Variants in B3GALT1 observed in about 807,000 individuals in gnomAD.
B3GALT1 encodes UDP-Gal:betaGlcNAc beta 1,3-galactosyltransferase, polypeptide 1.
Under a neutral mutation model 23.2 loss-of-function variants are expected in B3GALT1, and 10 were observed. The observed-to-expected ratio is 0.43, with a 90% CI of 0.27 to 0.73. The LOEUF (loss-of-function observed/expected upper bound fraction) is 0.73, where lower values mean the gene tolerates loss of function less well. Among genes scored for constraint, B3GALT1 ranks in the 30% least tolerant of loss-of-function variants. B3GALT1 has a pLI of 0.21. For missense variants in B3GALT1, 299 were observed against 405.4 expected, an observed-to-expected ratio of 0.74 and a Z score of 2.25; for synonymous variants, 156 against 141.5, an observed-to-expected ratio of 1.10 and a Z score of -0.73.
At chr2:167,731,367 A>G (rs1687406642) in intron 3 of B3GALT1, among the ~76,000 whole-genome samples, 1 of 152,138 alleles carries the variant, frequency 6.6e-6, no homozygotes. Flanking sequence ...GTGCCAGATG[A>G]TATTTCTCTG....
chr2:167,630,646 G>C (rs1685424964), intron 2 of B3GALT1, among the ~76,000 whole-genome samples: 1 of 151,518 alleles, frequency 6.6e-6, no homozygotes, highest in South Asian at 2.1e-4. Context: ...AAAAAAGCTA[G>C]ATAGATAATT....
At chr2:167,293,802 C>T (rs1286532812) in intron 1 of B3GALT1, among the ~76,000 whole-genome samples, 1 of 152,030 alleles carries the variant, frequency 6.6e-6, no homozygotes, top group Admixed American at 6.5e-5. Context: ...GGACCTGGCG[C>T]GCCAGGGGAG....
chr2:167,618,743 T>C (rs912993958), intron 2 of B3GALT1, among the ~76,000 whole-genome samples: 3 of 152,048 alleles, frequency 2.0e-5, no homozygotes, highest in East Asian at 1.9e-4. Flanking sequence ...ATTTATTTTG[T>C]ATTAATAGAA....
intron 3 of B3GALT1, among the ~76,000 whole-genome samples, chr2:167,749,633 C>T (rs1038314112): frequency 1.3e-5 from 2 of 152,176 alleles, no homozygotes; most frequent in African/African-American, 4.8e-5. Context: ...GTGCCATGTC[C>T]AGATTAAATG....
intron 3 of B3GALT1, among the ~76,000 whole-genome samples, chr2:167,691,968 A>G (rs188580350): frequency 2.2e-4 from 33 of 152,268 alleles, no homozygotes; most frequent in Non-Finnish European, 3.8e-4. Context: ...TGTGAGGCCT[A>G]TGTGGGACAT....
At chr2:167,457,733 G>A (rs1015607208) in intron 1 of B3GALT1, among the ~76,000 whole-genome samples, 12 of 152,078 alleles carry the variant, frequency 7.9e-5, no homozygotes, top group Admixed American at 7.9e-4. Flanking sequence ...CAAGTCATTT[G>A]GTGTTACTCT....
intron 1 of B3GALT1, among the ~76,000 whole-genome samples, chr2:167,296,783 A>G (rs1478386345): frequency 6.6e-6 from 1 of 152,216 alleles, no homozygotes; most frequent in Non-Finnish European, 1.5e-5. Context: ...TTGTATGAGT[A>G]AATCACACAA....
chr2:167,345,998 A>G (rs1199458003), intron 1 of B3GALT1, among the ~76,000 whole-genome samples: 3 of 149,012 alleles, frequency 2.0e-5, no homozygotes, highest in Non-Finnish European at 4.4e-5. Flanking sequence ...TGGAGTCCCA[A>G]CTCTTGGTCA....
chr2:167,337,680 A>G (rs562057645), intron 1 of B3GALT1, among the ~76,000 whole-genome samples: 1 of 152,162 alleles, frequency 6.6e-6, no homozygotes. Context: ...TTAGTTGTGT[A>G]GTTGCTGCAC....
At chr2:167,608,189 G>GA (rs1684999132) in intron 2 of B3GALT1, among the ~76,000 whole-genome samples, 1 of 152,024 alleles carries the variant, frequency 6.6e-6, no homozygotes, top group South Asian at 2.1e-4. Context: ...AAAGAAAGAC[G>GA]AATTAACAAC....
At chr2:167,613,547 T>G (rs922764960) in intron 2 of B3GALT1, among the ~76,000 whole-genome samples, 10 of 151,670 alleles carry the variant, frequency 6.6e-5, no homozygotes, top group African/African-American at 2.2e-4. Context: ...ACGTGAGTTT[T>G]GTTTTTCTTT....
intron 1 of B3GALT1, among the ~76,000 whole-genome samples, chr2:167,381,504 A>G (rs1182003594): frequency 6.6e-6 from 1 of 152,230 alleles, no homozygotes; most frequent in African/African-American, 2.4e-5. Flanking sequence ...CTCAGCCTCC[A>G]TCACCAGAAT....
intron 1 of B3GALT1, among the ~76,000 whole-genome samples, chr2:167,415,768 G>C (rs1033966993): frequency 5.9e-5 from 9 of 152,190 alleles, no homozygotes; most frequent in Non-Finnish European, 1.0e-4. Context: ...GGAAACTGGA[G>C]AAAAGTCCAT....
intron 1 of B3GALT1, among the ~76,000 whole-genome samples, chr2:167,358,834 T>A (rs1697457644): frequency 6.6e-6 from 1 of 152,144 alleles, no homozygotes. Flanking sequence ...GACAGAATCC[T>A]GCTCTGTCAC....
intron 1 of B3GALT1, among the ~76,000 whole-genome samples, chr2:167,472,852 C>T (rs1004192518): frequency 2.6e-5 from 4 of 152,024 alleles, no homozygotes; most frequent in African/African-American, 9.7e-5. Context: ...ATCAGTATTT[C>T]CATTTGTTTG....
At chr2:167,516,411 A>G (rs1248116408) in intron 2 of B3GALT1, among the ~76,000 whole-genome samples, 1 of 151,886 alleles carries the variant, frequency 6.6e-6, no homozygotes, top group African/African-American at 2.4e-5. Context: ...CTTCTATATC[A>G]TCCTCAGAAT....
At chr2:167,616,100 C>T (rs1421690107) in intron 2 of B3GALT1, among the ~76,000 whole-genome samples, 2 of 151,836 alleles carry the variant, frequency 1.3e-5, no homozygotes, top group South Asian at 2.1e-4. Flanking sequence ...GAAGGGAATA[C>T]TTTAGTTTAT....
chr2:167,663,715 T>C (rs1424391399), intron 3 of B3GALT1, among the ~76,000 whole-genome samples: 1 of 151,996 alleles, frequency 6.6e-6, no homozygotes, highest in African/African-American at 2.4e-5. Context: ...TGGCCAGTGA[T>C]GGTGAGCATT....
At chr2:167,751,251 T>G (rs374344216) in intron 3 of B3GALT1, among the ~76,000 whole-genome samples, 42 of 152,252 alleles carry the variant, frequency 2.8e-4, no homozygotes, top group African/African-American at 9.2e-4. Context: ...AGAGAAAGTG[T>G]TGTGGCTCCT....
Sources: allele counts gnomAD v4.1 joint callset (sites outside exome capture counted in the v4.1 genomes callset), GRCh38; gene constraint gnomAD v4.1.1; transcripts MANE v1.5; gene names NCBI Gene and HGNC (gene_info 2026-07-23, HGNC 2026-07-21).